The following MPZL3 variants were observed in gnomAD, a reference collection of about 807,000 sequenced individuals.
The protein encoded by MPZL3 is myelin protein zero like 3.
MPZL3 carries 23 observed loss-of-function variants against 24.8 expected under a neutral mutation model. The observed-to-expected ratio is 0.93, with a 90% CI of 0.67 to 1.31. The LOEUF is 1.31. Ranked by LOEUF, MPZL3 falls within the 40% of genes most tolerant of loss-of-function variation. The pLI is 0.00. For synonymous variants in MPZL3, 99 were observed against 106.5 expected (o/e 0.93, Z 0.44); for missense variants, 277 against 294.9 (o/e 0.94, Z 0.44).
chr11:118,239,313 C>T (rs1949464239), intron 2 of MPZL3, among the ~76,000 whole-genome samples: 1 of 152,178 alleles, frequency 6.6e-6, no homozygotes, highest in African/African-American at 2.4e-5. Flanking sequence ...AGTCCCCTAC[C>T]TAGCCTCAAG....
In MPZL3 at chr11:118,240,274, A is replaced by G. The variant is rs1186515596; in HGVS notation, c.177T>C (p.Asp59=). ...AGTCTATAGTAAGTTTGTCAGTGAC[A>G]TCTGAAGTTGACTTGAAAGTGCATT... The part of the protein sequence containing the change: ...KLKCTFKSTS[D]VTDKLTIDWT... The change falls in exon 2 of 6, where the codon GAT becomes GAC. Residue 59 remains aspartate (D), a synonymous_variant. Transcript: ENST00000278949. 6.2e-7 allele frequency: 1 copy of G among 1,606,564 alleles called. No individual in the cohort carries two copies. The highest frequency in any genetic ancestry group is 8.5e-7 in the Non-Finnish European group (1 of 1,177,512).
chr11:118,240,185 A>G, intron 2 of MPZL3, 26 bp downstream of exon 2: 1 of 1,510,906 alleles, frequency 6.6e-7, no homozygotes, highest in Non-Finnish European at 8.8e-7. Context: ...TGACCAAAGG[A>G]ACATTCCGAA....
At chr11:118,249,341 A>T (rs563520369) in intron 1 of MPZL3, among the ~76,000 whole-genome samples, 96 of 152,250 alleles carry the variant, frequency 6.3e-4, no homozygotes, top group African/African-American at 2.1e-3. Context: ...TTTTCTCTAC[A>T]TATATATACT....
At chr11:118,248,265 C>T (rs1471601465) in intron 1 of MPZL3, among the ~76,000 whole-genome samples, 5 of 151,402 alleles carry the variant, frequency 3.3e-5, no homozygotes, top group Non-Finnish European at 5.9e-5. Flanking sequence ...CCACCCGCCT[C>T]GGCCTCCCAA....
At chr11:118,232,199 ACTT>A (rs1416551465) in intron 5 of MPZL3, among the ~76,000 whole-genome samples, 4 of 151,880 alleles carry the variant, frequency 2.6e-5, no homozygotes, top group Non-Finnish European at 4.4e-5. Flanking sequence ...TGCACCAGTC[ACTT>A]CTTCTGCCTG....
At chr11:118,242,852 C>G (rs1949513805) in intron 1 of MPZL3, among the ~76,000 whole-genome samples, 1 of 152,304 alleles carries the variant, frequency 6.6e-6, no homozygotes, top group South Asian at 2.1e-4. Flanking sequence ...GGCTATTCCT[C>G]TATTAAATGT....
intron 5 of MPZL3, among the ~76,000 whole-genome samples, chr11:118,231,902 C>T (rs1949357396): frequency 1.3e-5 from 2 of 152,164 alleles, no homozygotes; most frequent in Non-Finnish European, 2.9e-5. Flanking sequence ...CTCTCTGATT[C>T]TGTCATTGCT....
Position 118,229,671 on chromosome 11 carries a change from G to T in MPZL3, c.*223C>A. 4.7e-6 allele frequency: 2 copies of T among 426,230 alleles called. No homozygotes were observed. The highest frequency in any genetic ancestry group is 5.9e-5 in the South Asian group (1 of 17,078). 26.4% of individuals were successfully genotyped at this position (426,230 alleles called of 1,614,324 possible). A position where few individuals can be genotyped will look rare whatever the true frequency, so the allele number is the denominator to read the frequency against. On this transcript the variant is annotated 3_prime_UTR_variant, in exon 6 of 6. Transcript: ENST00000278949. The stretch of plus-strand genomic sequence containing the variant: ...CAATTACAGCATAATTCATTGAAAG[G>T]GGAAGTCATGAGTCTCTTATGAGAG...
intron 5 of MPZL3, among the ~76,000 whole-genome samples, chr11:118,232,353 T>C (rs1401801740): frequency 6.6e-6 from 1 of 152,120 alleles, no homozygotes; most frequent in Non-Finnish European, 1.5e-5. Flanking sequence ...TTTTTCTCCA[T>C]ATCATTAAGT....
At chr11:118,245,204 G>C (rs1157020886) in intron 1 of MPZL3, among the ~76,000 whole-genome samples, 1 of 151,766 alleles carries the variant, frequency 6.6e-6, no homozygotes, top group East Asian at 1.9e-4. Flanking sequence ...TTCGAGACCA[G>C]CCTGGCCAAC....
chr11:118,233,582 T>A, intron 4 of MPZL3, 59 bp from the exon 5 acceptor site: 1 of 1,558,054 alleles, frequency 6.4e-7, no homozygotes, highest in Non-Finnish European at 8.8e-7. Context: ...AGTAGAGCAG[T>A]TGAAAGTACA....
intron 1 of MPZL3, among the ~76,000 whole-genome samples, chr11:118,249,409 TA>T (rs1000722911): frequency 2.0e-5 from 3 of 151,960 alleles, no homozygotes; most frequent in Non-Finnish European, 4.4e-5. Flanking sequence ...CTTCCACTCA[TA>T]AAAAAAATAC....
chr11:118,237,853 C>T (rs1949446317), intron 2 of MPZL3, among the ~76,000 whole-genome samples: 3 of 152,186 alleles, frequency 2.0e-5, no homozygotes, highest in Admixed American at 2.0e-4. Flanking sequence ...AAAAGGGAAA[C>T]AGGCTGGTCA....
At chr11:118,243,472 A>G (rs1949522439) in intron 1 of MPZL3, among the ~76,000 whole-genome samples, 2 of 152,264 alleles carry the variant, frequency 1.3e-5, no homozygotes, top group South Asian at 4.1e-4. Context: ...CTGCTTTAGC[A>G]GAAAAACCTC....
intron 3 of MPZL3, among the ~76,000 whole-genome samples, chr11:118,236,704 C>T (rs141343682): frequency 8.0e-4 from 121 of 152,122 alleles, no homozygotes; most frequent in African/African-American, 2.6e-3. Flanking sequence ...TATGAACATG[C>T]TAGGAAAACT....
chr11:118,230,643 C>G (rs944418903), intron 5 of MPZL3, among the ~76,000 whole-genome samples: 1 of 152,134 alleles, frequency 6.6e-6, no homozygotes, highest in Non-Finnish European at 1.5e-5. Context: ...TCCCTCTTTC[C>G]CCAAACTTCC....
At chr11:118,244,485 A>G (rs1274867242) in intron 1 of MPZL3, among the ~76,000 whole-genome samples, 2 of 152,206 alleles carry the variant, frequency 1.3e-5, no homozygotes, top group Non-Finnish European at 2.9e-5. Flanking sequence ...GATCTGAAGA[A>G]AAAGGTAACA....
intron 5 of MPZL3, 64 bp from the exon 6 acceptor site, chr11:118,229,984 CAT>C (rs3062199): frequency 0.22 from 327,082 of 1,496,822 alleles, 38,435 homozygotes; most frequent in African/African-American, 0.4. Flanking sequence ...GCAAAGACCA[CAT>C]GTTAGGATCC....
rs1314298399 is a variant in MPZL3 at position 118,232,946 on chromosome 11, C to T, written c.681+514G>A. Among the ~76,000 whole-genome samples, 3 of 152,096 alleles carry T rather than the reference C, an allele frequency of 2.0e-5. No individual in the cohort carries two copies. The East Asian group carries it at 5.8e-4, about 29-fold the overall frequency. ...TCCTAATTGGACTCTCTGATTCTGT[C>T]ATTAGTCACAGTGAGTACTCAAAGC... On this transcript the variant is annotated intron_variant, in intron 5 of 5. Transcript: ENST00000278949.
Sources: gnomAD v4.1 joint callset for allele counts (sites outside exome capture counted in the v4.1 genomes callset) on GRCh38, gnomAD v4.1.1 for gene constraint, MANE v1.5 for transcripts, NCBI Gene and HGNC (gene_info 2026-07-23, HGNC 2026-07-21) for gene names.